Variants in ARHGEF7 observed in about 807,000 individuals in gnomAD.
The protein encoded by ARHGEF7 is Rho guanine nucleotide exchange factor 7.
Under a neutral mutation model 109.8 loss-of-function variants are expected in ARHGEF7, and 33 were observed. The ratio of observed to expected loss-of-function variants is 0.30; its 90% CI spans 0.23 to 0.40. The LOEUF (loss-of-function observed/expected upper bound fraction) is 0.40. ARHGEF7 is among the 10% of genes least tolerant of loss of function. ARHGEF7 has a pLI of 1.00. For missense variants in ARHGEF7, 938 were observed against 1,098.5 expected (o/e 0.85, Z 2.07); for synonymous variants, 458 against 424.6 (o/e 1.08, Z -0.97).
At chr13:111,136,599 G>C (rs959844323) in intron 1 of ARHGEF7, among the ~76,000 whole-genome samples, 2 of 152,222 alleles carry the variant, frequency 1.3e-5, no homozygotes, top group Admixed American at 1.3e-4. Flanking sequence ...AAAGGAGTGT[G>C]TAGAGGGAAA....
intron 2 of ARHGEF7, among the ~76,000 whole-genome samples, chr13:111,169,994 C>G (rs2077453459): frequency 6.6e-6 from 1 of 150,420 alleles, no homozygotes; most frequent in Non-Finnish European, 1.5e-5. Flanking sequence ...AGAGCAGGCC[C>G]CTCTGCAGAG....
chr13:111,134,906 C>G (rs552780276), intron 1 of ARHGEF7, among the ~76,000 whole-genome samples: 1 of 151,992 alleles, frequency 6.6e-6, no homozygotes, highest in Non-Finnish European at 1.5e-5. Flanking sequence ...AGGTTTTCTT[C>G]TAGGGTTTTT....
chr13:111,209,772 G>A, intron 3 of ARHGEF7, 100 bp from the exon 4 acceptor site: 1 of 1,374,804 alleles, frequency 7.3e-7, no homozygotes. Context: ...CTTTTGGTGT[G>A]TCCCTCTGTG....
In ARHGEF7 at chr13:111,171,338, G is replaced by A. The variant is rs549599474; in HGVS notation, c.252+17347G>A. Among the ~76,000 whole-genome samples, 16 of 152,332 alleles carry A rather than the reference G, an allele frequency of 1.1e-4. No homozygotes were observed. In the South Asian group the frequency reaches 1.2e-3, roughly 12 times the overall value. On this transcript the variant is annotated intron_variant, in intron 2 of 21. Transcript: ENST00000646102. ...TAGCCAAGCCTAGCTTGGGAGCTGC[G>A]TGTGCAGGAGTACAGGTGTCTGAAC...
chr13:111,270,430 T>TA, intron 9 of ARHGEF7, among the ~76,000 whole-genome samples: 1 of 152,168 alleles, frequency 6.6e-6, no homozygotes, highest in Non-Finnish European at 1.5e-5. Flanking sequence ...TTTTTTTTTT[T>TA]AACTTCAAAC....
chr13:111,292,079 C>A, intron 18 of ARHGEF7, 39 bp from the exon 19 acceptor site: 3 of 1,583,326 alleles, frequency 1.9e-6, no homozygotes, highest in Non-Finnish European at 2.6e-6. Context: ...CTCCTCACCC[C>A]CTGCCTGTCG....
rs1472812855 is a variant in ARHGEF7 at position 111,266,823 on chromosome 13, T to A, written c.951-725T>A. On this transcript the variant is annotated intron_variant, in intron 8 of 21. Transcript: ENST00000646102. This position sits in a 1 kb window ranked among gnomAD's most constrained non-coding sequence, Gnocchi z 4.8. ...AAGAGTTCACGTGGTTCTCCTGTTT[T>A]CAGCACACGTGCCCCTGCTCCGGGT... 1 of 455,910 alleles carries A rather than the reference T, an allele frequency of 2.2e-6. No homozygotes were observed. The highest frequency in any genetic ancestry group is 4.4e-6 in the Non-Finnish European group (1 of 226,812). The allele number at this position is 455,910 out of a possible 1,614,324, so 28.2% of individuals were successfully genotyped here. A position where few individuals can be genotyped will look rare whatever the true frequency, so the allele number is the denominator to read the frequency against.
intron 16 of ARHGEF7, among the ~76,000 whole-genome samples, chr13:111,284,520 C>T (rs534300689): frequency 6.6e-6 from 1 of 152,240 alleles, no homozygotes; most frequent in African/African-American, 2.4e-5. Flanking sequence ...AAGTGAGCTA[C>T]TACAAGAACT....
chr13:111,238,843 G>GA (rs2087242379), intron 6 of ARHGEF7, among the ~76,000 whole-genome samples: 2 of 152,098 alleles, frequency 1.3e-5, no homozygotes, highest in South Asian at 4.2e-4. Context: ...TATACACTAT[G>GA]GTTTGATTTT....
chr13:111,241,672 A>C (rs2087807398), intron 6 of ARHGEF7, among the ~76,000 whole-genome samples: 1 of 152,180 alleles, frequency 6.6e-6, no homozygotes, highest in African/African-American at 2.4e-5. Context: ...ACAAAAGGTC[A>C]TTGTATTTTA....
chr13:111,191,913 C>G (rs2079935944), intron 2 of ARHGEF7, among the ~76,000 whole-genome samples: 1 of 152,120 alleles, frequency 6.6e-6, no homozygotes, highest in South Asian at 2.1e-4. Flanking sequence ...GTATATAGCC[C>G]TATCACAAAG....
chr13:111,236,918 T>A (rs2086913954), intron 6 of ARHGEF7, among the ~76,000 whole-genome samples: 1 of 152,134 alleles, frequency 6.6e-6, no homozygotes, highest in Admixed American at 6.5e-5. Context: ...TAAGCTATGA[T>A]TGCACCACTG....
chr13:111,171,925 A>T (rs1332169086), intron 2 of ARHGEF7, among the ~76,000 whole-genome samples: 1 of 152,214 alleles, frequency 6.6e-6, no homozygotes, highest in African/African-American at 2.4e-5. Context: ...TCATCTGTGA[A>T]GAAACAGGCC....
intron 5 of ARHGEF7, among the ~76,000 whole-genome samples, chr13:111,220,052 T>C (rs1385822821): frequency 6.6e-6 from 1 of 152,354 alleles, no homozygotes; most frequent in East Asian, 1.9e-4. Context: ...CTGGCCTGCA[T>C]GAGCCTTCCT....
intron 15 of ARHGEF7, among the ~76,000 whole-genome samples, chr13:111,281,433 G>C (rs1454132255): frequency 6.6e-6 from 1 of 152,058 alleles, no homozygotes; most frequent in African/African-American, 2.4e-5. Flanking sequence ...CAGCTCTGTC[G>C]TGTGCTCAGT....
At chr13:111,156,843 A>C (rs967057459) in intron 2 of ARHGEF7, among the ~76,000 whole-genome samples, 2 of 152,262 alleles carry the variant, frequency 1.3e-5, no homozygotes, top group African/African-American at 4.8e-5. Context: ...AATAGCTTAA[A>C]TTCTAGATTA....
intron 2 of ARHGEF7, chr13:111,182,680 A>G (rs1307430077): frequency 6.6e-6 from 1 of 152,276 alleles, no homozygotes; most frequent in Non-Finnish European, 1.5e-5. Context: ...TGCCCCCGCC[A>G]TCGGGAGACT....
intron 8 of ARHGEF7, among the ~76,000 whole-genome samples, chr13:111,253,096 T>A (rs1166832162): frequency 6.6e-6 from 1 of 152,162 alleles, no homozygotes; most frequent in Admixed American, 6.5e-5. Context: ...AAGAAAGCCT[T>A]AGTGGGGAGA....
Position 111,266,704 on chromosome 13 carries a change from T to C in ARHGEF7, c.951-844T>C, listed in dbSNP as rs2091674029. ...TTCATGTTTTTGGTCACTTTTTCTCTGGCTCCCATTCCCTAGGTAGGAGGA... is the reference window on the plus strand; with the variant it reads ...TTCATGTTTTTGGTCACTTTTTCTCCGGCTCCCATTCCCTAGGTAGGAGGA... On this transcript the variant is annotated intron_variant, in intron 8 of 21. Coordinates refer to ENST00000646102, the MANE Select transcript of ARHGEF7 (RefSeq NM_001354046.2). This position sits in a 1 kb window ranked among gnomAD's most constrained non-coding sequence, Gnocchi z 4.8. The C allele has an allele frequency of 4.8e-6, 2 of 415,088 alleles. No individual in the cohort carries two copies. Among genetic ancestry groups the C allele is most frequent in the African/African-American group, 2.0e-5 (1 of 49,110 alleles). The allele number at this position is 415,088 out of a possible 1,614,324, so 25.7% of individuals were successfully genotyped here. A position where few individuals can be genotyped will look rare whatever the true frequency, so the allele number is the denominator to read the frequency against.
Sources: gnomAD v4.1 joint callset for allele counts (sites outside exome capture counted in the v4.1 genomes callset) on GRCh38, gnomAD v4.1.1 for gene constraint, Gnocchi (gnomAD v3.1) non-coding constraint, MANE v1.5 for transcripts, NCBI Gene and HGNC (gene_info 2026-07-23, HGNC 2026-07-21) for gene names.